The following CEP63 variants were observed in gnomAD, a reference collection of about 807,000 sequenced individuals.
CEP63 encodes centrosomal protein 63, also known as centrosomal protein of 63 kDa.
A neutral mutation model predicts 89.1 loss-of-function variants in CEP63; 84 were observed. The observed-to-expected ratio is 0.94, with a 90% CI of 0.79 to 1.13. The LOEUF is 1.13. CEP63 is among the 50% of genes most tolerant of loss of function. CEP63 has a pLI of 0.00. For missense variants in CEP63, 838 were observed against 813.3 expected (o/e 1.03, Z -0.37); for synonymous variants, 267 against 272.5 (o/e 0.98, Z 0.20).
chr3:134,655,499 T>C, the CEP63 span, among the ~76,000 whole-genome samples: 1 of 152,210 alleles, frequency 6.6e-6, no homozygotes, highest in East Asian at 1.9e-4. Flanking sequence ...ATTATCTCCA[T>C]TTTATAGATG....
chr3:134,765,638 G>A, the CEP63 span, among the ~76,000 whole-genome samples: 1 of 152,232 alleles, frequency 6.6e-6, no homozygotes, highest in South Asian at 2.1e-4. Flanking sequence ...TTGTCATGGT[G>A]TCATATGGAA....
chr3:134,509,006 T>C (rs1019299117), intron 3 of CEP63, among the ~76,000 whole-genome samples: 1 of 151,672 alleles, frequency 6.6e-6, no homozygotes, highest in Non-Finnish European at 1.5e-5. Flanking sequence ...GTGTTTATTA[T>C]TGTGCTGAAA....
chr3:134,596,100 G>A, the CEP63 span, among the ~76,000 whole-genome samples: 2 of 152,122 alleles, frequency 1.3e-5, no homozygotes, highest in Non-Finnish European at 2.9e-5. Flanking sequence ...GGTGCCCTCA[G>A]CTAAATTTTT....
the CEP63 span, among the ~76,000 whole-genome samples, chr3:134,742,965 G>T: frequency 3.3e-5 from 5 of 152,362 alleles, no homozygotes; most frequent in African/African-American, 1.2e-4. Context: ...AGCTAAGGAG[G>T]AATCAGCTGG....
At chr3:134,547,981 A>G (rs1953914319) in intron 9 of CEP63, among the ~76,000 whole-genome samples, 1 of 152,132 alleles carries the variant, frequency 6.6e-6, no homozygotes, top group Admixed American at 6.5e-5. Context: ...CATCAAATCT[A>G]CCAGTCTGCC....
At chr3:134,551,796 AATATGT>A in intron 11 of CEP63, 124 bp from the exon 12 acceptor site, 1 of 213,748 alleles carries the variant, frequency 4.7e-6, no homozygotes, top group East Asian at 1.2e-4. Flanking sequence ...TATATATATA[AATATGT>A]ATATGTATAT....
chr3:134,737,003 C>T, the CEP63 span, among the ~76,000 whole-genome samples: 9 of 152,056 alleles, frequency 5.9e-5, no homozygotes, highest in African/African-American at 1.7e-4. Context: ...AAGAGTCAGA[C>T]ATATATGGGA....
chr3:134,549,882 C>G (rs1000553584), intron 10 of CEP63, among the ~76,000 whole-genome samples, 181 bp from the exon 11 acceptor site: 1 of 152,182 alleles, frequency 6.6e-6, no homozygotes, highest in Non-Finnish European at 1.5e-5. Context: ...GTAGGTATAA[C>G]CACCTGACCT....
At chr3:134,764,667 C>A in the CEP63 span, among the ~76,000 whole-genome samples, 1 of 152,344 alleles carries the variant, frequency 6.6e-6, no homozygotes, top group African/African-American at 2.4e-5. Context: ...ACTTTCGGCT[C>A]ATCTGGTTTT....
rs372681179 is a variant in CEP63, at chr3:134,539,769, T to C, written c.555+2501T>C. 3.9e-5 allele frequency among the ~76,000 whole-genome samples: 6 copies of C among 152,330 alleles called. No homozygotes were observed. In the East Asian group the frequency reaches 1.2e-3, roughly 29 times the overall value. On this transcript the variant is annotated intron_variant, in intron 6 of 14. Coordinates refer to ENST00000675561, the MANE Select transcript of CEP63 (RefSeq NM_001353108.3). ...GTATAATTCGGAAACAACTTCTCCTTCTTTGACATATGTTTGCTTGAATTC... is the reference window on the plus strand; with the variant it reads ...GTATAATTCGGAAACAACTTCTCCTCCTTTGACATATGTTTGCTTGAATTC...
At chr3:134,719,692 T>C in the CEP63 span, among the ~76,000 whole-genome samples, 1 of 152,330 alleles carries the variant, frequency 6.6e-6, no homozygotes, top group Middle Eastern at 3.4e-3. Flanking sequence ...TATGTATATA[T>C]CTGTCTGGAC....
chr3:134,757,960 A>T, the CEP63 span, among the ~76,000 whole-genome samples: 1 of 152,148 alleles, frequency 6.6e-6, no homozygotes, highest in Non-Finnish European at 1.5e-5. Context: ...GAGATGATCT[A>T]GTGGGGAATA....
chr3:134,558,296 T>A lies in CEP63; in HGVS notation c.1622T>A (p.Ile541Asn), dbSNP rs1956655856. ...ATGTGCAAAAAACAAAATGACAGGATCTTTAAACCAACACACAGCAGAACA... is the reference window on the plus strand; with the variant it reads ...ATGTGCAAAAAACAAAATGACAGGAACTTTAAACCAACACACAGCAGAACA... Reference protein sequence around the residue: ...TQMCKKQNDRIFKPTHSRTTE... With the variant: ...TQMCKKQNDRNFKPTHSRTTE... Residue 541 changes from isoleucine to asparagine, a missense_variant, in exon 13 of 15, where the codon ATC becomes AAC. Physicochemically the swap from Ile to Asn is moderately radical, Grantham distance 149. Coordinates refer to ENST00000675561, the MANE Select transcript of CEP63 (RefSeq NM_001353108.3). 1 of 1,613,784 alleles carries A rather than the reference T, an allele frequency of 6.2e-7. No individual in the cohort carries two copies. Among genetic ancestry groups the A allele is most frequent in the Non-Finnish European group, 8.5e-7 (1 of 1,179,904 alleles).
At chr3:134,582,477 G>A (rs1164040932) in intron 10 of CEP63, among the ~76,000 whole-genome samples, 3 of 152,112 alleles carry the variant, frequency 2.0e-5, no homozygotes, top group Non-Finnish European at 4.4e-5. Flanking sequence ...ATGGTTTCCA[G>A]CTTCATCCAT....
chr3:134,607,831 G>C, the CEP63 span: 1 of 987,638 alleles, frequency 1.0e-6, no homozygotes, highest in Non-Finnish European at 1.2e-6. Flanking sequence ...GGCTGGAAAC[G>C]GCTGGGTCCC....
At chr3:134,536,230 C>G (rs1324086235) in intron 5 of CEP63, 1 of 152,314 alleles carries the variant, frequency 6.6e-6, no homozygotes, top group East Asian at 1.9e-4. Flanking sequence ...AATGTGTCAT[C>G]TGTTGCCCCC....
At chr3:134,491,957 C>T (rs959888100) in intron 1 of CEP63, among the ~76,000 whole-genome samples, 12 of 151,908 alleles carry the variant, frequency 7.9e-5, no homozygotes, top group Non-Finnish European at 1.8e-4. Flanking sequence ...GATATTTTTC[C>T]TGATCTGTAA....
the CEP63 span, among the ~76,000 whole-genome samples, chr3:134,700,569 A>AT: frequency 3.0e-4 from 45 of 149,484 alleles, 1 homozygote; most frequent in African/African-American, 7.6e-4. Context: ...GTTTTTAGTT[A>AT]TTTTTTTTTT....
intron 10 of CEP63, among the ~76,000 whole-genome samples, chr3:134,582,234 A>C (rs1296838573): frequency 1.3e-5 from 2 of 152,102 alleles, no homozygotes; most frequent in East Asian, 3.9e-4. Context: ...CAACGTGCAG[A>C]TCTGCCACAT....
Sources: allele counts gnomAD v4.1 joint callset (sites outside exome capture counted in the v4.1 genomes callset), GRCh38; gene constraint gnomAD v4.1.1; transcripts MANE v1.5; gene names NCBI Gene and HGNC (gene_info 2026-07-23, HGNC 2026-07-21).